The following CASP4 variants were observed in gnomAD, a reference collection of about 807,000 sequenced individuals.
CASP4 encodes caspase-4.
In CASP4, 29 loss-of-function variants were observed where a neutral mutation model predicts 41.3. The ratio of observed to expected loss-of-function variants is 0.70; its 90% CI spans 0.52 to 0.96. The LOEUF (loss-of-function observed/expected upper bound fraction) is 0.96, where lower values mean the gene tolerates loss of function less well. Among genes scored for constraint, CASP4 ranks in the 40% least tolerant of loss-of-function variants. The probability of loss-of-function intolerance (pLI) is 0.00; values close to 1 mark genes in which losing one functional copy is unlikely to be tolerated. For synonymous variants in CASP4, 185 were observed against 158.4 expected, an observed-to-expected ratio of 1.17 and a Z score of -1.26; for missense variants, 447 against 460.6, an observed-to-expected ratio of 0.97 and a Z score of 0.27.
rs1280914348 is a variant in CASP4 at position 104,949,580 on chromosome 11, G to C, written c.744C>G (p.Asp248Glu). The C allele has an allele frequency of 1.9e-6, 3 of 1,613,922 alleles. No individual in the cohort carries two copies. The highest frequency in any genetic ancestry group is 2.2e-5 in the South Asian group (2 of 91,084). ...CCTGGACAATGATGACCTTGGGTTT[G>C]TCCTTCAGACTGAGGCAGTTGCGGT... The part of the protein sequence containing the change: ...FNNRNCLSLK[D>E]KPKVIIVQAC... The change falls in exon 5 of 9, where the codon GAC becomes GAG. Residue 248 changes from aspartate to glutamate, a missense_variant. Physicochemically the swap from Asp to Glu is conservative, Grantham distance 45. Transcript: ENST00000444739.
intron 1 of CASP4, among the ~76,000 whole-genome samples, chr11:104,955,897 G>C (rs666695): frequency 0.68 from 103,840 of 151,980 alleles, 35,956 homozygotes; most frequent in Middle Eastern, 0.89. Context: ...AGTGCTGACA[G>C]AAAATGACAT....
chr11:104,953,837 A>C (rs989308266), intron 2 of CASP4, among the ~76,000 whole-genome samples: 34 of 152,266 alleles, frequency 2.2e-4, no homozygotes, highest in African/African-American at 8.2e-4. Flanking sequence ...ATCTGGGTCA[A>C]AAGTTCCAAA....
chr11:104,952,185 C>T (rs1860633471), intron 2 of CASP4, 180 bp from the exon 3 acceptor site: 3 of 559,968 alleles, frequency 5.4e-6, no homozygotes, highest in Middle Eastern at 4.7e-4. Flanking sequence ...GATAGAAAAG[C>T]AGATCCACCC....
At chr11:104,957,242 G>A (rs1860756711) in intron 1 of CASP4, among the ~76,000 whole-genome samples, 2 of 152,058 alleles carry the variant, frequency 1.3e-5, no homozygotes, top group African/African-American at 2.4e-5. Flanking sequence ...ACAAAAATCT[G>A]TAGTGTTTCT....
intron 1 of CASP4, among the ~76,000 whole-genome samples, chr11:104,957,622 G>A (rs956039771): frequency 5.9e-5 from 9 of 152,176 alleles, no homozygotes; most frequent in Middle Eastern, 3.4e-3. Context: ...TATTGATAGG[G>A]AAAACTGAAG....
At chr11:104,967,539 T>C (rs1266980533) in intron 1 of CASP4, among the ~76,000 whole-genome samples, 1 of 152,162 alleles carries the variant, frequency 6.6e-6, no homozygotes, top group African/African-American at 2.4e-5. Context: ...GTTAATTACA[T>C]TAATAGATCA....
intron 1 of CASP4, among the ~76,000 whole-genome samples, chr11:104,956,339 T>C (rs1268370724): frequency 6.6e-6 from 1 of 152,064 alleles, no homozygotes; most frequent in East Asian, 1.9e-4. Flanking sequence ...CCATAGTCTA[T>C]ATAGTTAATC....
intron 1 of CASP4, among the ~76,000 whole-genome samples, chr11:104,957,820 C>G (rs1860769263): frequency 1.3e-5 from 2 of 151,880 alleles, no homozygotes. Flanking sequence ...AAAACAAACC[C>G]TGAATAGGCA....
intron 7 of CASP4, among the ~76,000 whole-genome samples, chr11:104,945,099 C>T (rs1186320913): frequency 1.3e-5 from 2 of 152,092 alleles, no homozygotes; most frequent in African/African-American, 4.8e-5. Flanking sequence ...CATTCATTTC[C>T]TCTATTTTCC....
rs1473414550 is a variant in CASP4, at chr11:104,949,698, G to A, written c.626C>T (p.Ser209Phe). 6.2e-7 allele frequency: 1 copy of A among 1,613,934 alleles called. No individual in the cohort carries two copies. Among genetic ancestry groups the A allele is most frequent in the Non-Finnish European group, 8.5e-7 (1 of 1,179,886 alleles). The change falls in exon 5 of 9, where the codon TCT becomes TTT. Residue 209 changes from serine (S) to phenylalanine (F), a missense_variant. By Grantham distance (155) the Ser-to-Phe change is radical. Transcript: ENST00000444739. ...GCAGATTCCCTCCAGGATGCCATGA[G>A]ACATGAGTACCAAGAATGTGCTGTC... ...SSDSTFLVLM[S>F]HGILEGICGT...
At chr11:104,952,338 T>C (rs1383060088) in intron 2 of CASP4, among the ~76,000 whole-genome samples, 1 of 152,162 alleles carries the variant, frequency 6.6e-6, no homozygotes, top group Non-Finnish European at 1.5e-5. Flanking sequence ...CTGTGTGGAC[T>C]TTCTATTGTG....
At chr11:104,965,659 G>A (rs1860957358) in intron 1 of CASP4, among the ~76,000 whole-genome samples, 1 of 152,160 alleles carries the variant, frequency 6.6e-6, no homozygotes, top group Admixed American at 6.5e-5. Context: ...AAACAAAACC[G>A]GTAACAGCCT....
chr11:104,953,496 T>C (rs1230985066), intron 2 of CASP4, among the ~76,000 whole-genome samples: 1 of 152,108 alleles, frequency 6.6e-6, no homozygotes, highest in Non-Finnish European at 1.5e-5. Flanking sequence ...GCCATCCAGG[T>C]TTGAGAAAAA....
intron 2 of CASP4, among the ~76,000 whole-genome samples, chr11:104,954,508 T>C (rs564542734): frequency 6.6e-6 from 1 of 152,182 alleles, no homozygotes; most frequent in Non-Finnish European, 1.5e-5. Flanking sequence ...CTACAAGGTG[T>C]GAACTATTAA....
intron 8 of CASP4, 32 bp from the exon 9 acceptor site, chr11:104,943,005 A>G (rs770745541): frequency 7.0e-5 from 32 of 454,068 alleles, no homozygotes; most frequent in South Asian, 5.0e-4. Flanking sequence ...GAAGGTCAAG[A>G]TGGTTACCCC....
chr11:104,947,214 T>C (rs1406777343), intron 6 of CASP4, 22 bp from the exon 7 acceptor site: 1 of 1,385,228 alleles, frequency 7.2e-7, no homozygotes, highest in Non-Finnish European at 1.0e-6. Flanking sequence ...CAGATGGGTA[T>C]GCCTTGGGCT....
At chr11:104,949,422 A>G (rs1271992423) in intron 5 of CASP4, 121 bp downstream of exon 5, 3 of 1,056,386 alleles carry the variant, frequency 2.8e-6, no homozygotes, top group African/African-American at 1.6e-5. Context: ...TTTCTTTAGA[A>G]TTCAATGTAC....
chr11:104,962,067 C>A (rs888303352), intron 1 of CASP4, among the ~76,000 whole-genome samples: 1 of 152,188 alleles, frequency 6.6e-6, no homozygotes, highest in African/African-American at 2.4e-5. Context: ...TATGTGAATT[C>A]TGCTGGGATA....
At chr11:104,962,086 T>A (rs1175631954) in intron 1 of CASP4, among the ~76,000 whole-genome samples, 1 of 152,214 alleles carries the variant, frequency 6.6e-6, no homozygotes, top group African/African-American at 2.4e-5. Flanking sequence ...TAGAAAATGT[T>A]AAATGGTTCC....
Sources: allele counts gnomAD v4.1 joint callset (sites outside exome capture counted in the v4.1 genomes callset), GRCh38; gene constraint gnomAD v4.1.1; transcripts MANE v1.5; gene names NCBI Gene and HGNC (gene_info 2026-07-23, HGNC 2026-07-21).